The following PDE1C variants were observed in gnomAD, a reference collection of about 807,000 sequenced individuals.
PDE1C encodes dual specificity calcium/calmodulin-dependent 3',5'-cyclic nucleotide phosphodiesterase 1C.
In PDE1C, 62 loss-of-function variants were observed where a neutral mutation model predicts 93.1. That is an observed-to-expected ratio of 0.67 (90% CI 0.54 to 0.82). PDE1C has a LOEUF of 0.82. PDE1C is among the 40% of genes least tolerant of loss of function. The pLI, the probability that PDE1C is intolerant of heterozygous loss-of-function variation, is 0.00. For missense variants in PDE1C, 742 were observed against 884.6 expected (o/e 0.84, Z 2.04); for synonymous variants, 325 against 310.1 (o/e 1.05, Z -0.50).
chr7:31,758,564 G>A (rs1794622547), intron 17 of PDE1C, among the ~76,000 whole-genome samples: 1 of 152,154 alleles, frequency 6.6e-6, no homozygotes, highest in South Asian at 2.1e-4. Context: ...TATAAATTAT[G>A]CTATGGCTAC....
chr7:31,952,630 C>CA (rs1327899220), intron 2 of PDE1C, among the ~76,000 whole-genome samples: 1 of 152,076 alleles, frequency 6.6e-6, no homozygotes, highest in Non-Finnish European at 1.5e-5. Context: ...GAATTGTGCA[C>CA]ACTAGGTATT....
upstream of PDE1C, chr7:32,070,527 C>A (rs962053781): frequency 2.0e-6 from 3 of 1,493,616 alleles, no homozygotes; most frequent in African/African-American, 2.8e-5. Context: ...CGCGCTCCCC[C>A]TTCTGCGCCC....
chr7:32,338,421 T>C (rs898297410), intron 1 of PDE1C, among the ~76,000 whole-genome samples: 2 of 152,124 alleles, frequency 1.3e-5, no homozygotes, highest in East Asian at 3.9e-4. Flanking sequence ...CCCAATAAGA[T>C]ATCACTACAC....
At chr7:32,347,205 G>A (rs933136921) in intron 1 of PDE1C, among the ~76,000 whole-genome samples, 1 of 152,112 alleles carries the variant, frequency 6.6e-6, no homozygotes, top group African/African-American at 2.4e-5. Context: ...TACACCCAAG[G>A]GAACACGATT....
intron 2 of PDE1C, among the ~76,000 whole-genome samples, chr7:32,194,176 A>C (rs1804445085): frequency 6.6e-6 from 1 of 152,086 alleles, no homozygotes; most frequent in South Asian, 2.1e-4. Context: ...GGCCTCCCAA[A>C]GTGCTGGGAT....
chr7:31,830,200 G>GAA lies in PDE1C; in HGVS notation c.1204-1829_1204-1828dup, dbSNP rs375255914. Among the ~76,000 whole-genome samples, 303 of 141,840 alleles carry GAA rather than the reference G, an allele frequency of 2.1e-3. 2 individuals are homozygous for GAA. Among genetic ancestry groups the GAA allele is most frequent in the African/African-American group, 7.3e-3 (284 of 38,794 alleles). The allele number at this position is 141,840 out of a possible 152,430, so 93.1% of individuals were successfully genotyped here. A position where few individuals can be genotyped will look rare whatever the true frequency, so the allele number is the denominator to read the frequency against. On this transcript the variant is annotated intron_variant, in intron 11 of 17. Coordinates refer to ENST00000396191, the MANE Select transcript of PDE1C (RefSeq NM_001191057.4). ...TGGAAAGCAGATATACTTACGAATTGAAAAAAAAAAACAGTGCTGATAATG... is the reference window on the plus strand; with the variant it reads ...TGGAAAGCAGATATACTTACGAATTGAAAAAAAAAAAAACAGTGCTGATAATG...
chr7:31,692,691 T>C, the PDE1C span, among the ~76,000 whole-genome samples: 4 of 152,178 alleles, frequency 2.6e-5, no homozygotes, highest in Non-Finnish European at 5.9e-5. Context: ...CATGGGTCTG[T>C]GGGGTCTGCC....
chr7:32,003,301 C>T (rs1431171969), intron 2 of PDE1C, among the ~76,000 whole-genome samples: 1 of 152,204 alleles, frequency 6.6e-6, no homozygotes, highest in Non-Finnish European at 1.5e-5. Context: ...TTTCCAGGAA[C>T]TATGATAGAA....
chr7:32,413,173 G>A (rs111413316), intron 1 of PDE1C, among the ~76,000 whole-genome samples: 2,921 of 152,196 alleles, frequency 0.019, 46 homozygotes, highest in Middle Eastern at 0.048. Flanking sequence ...GTGGGCTTAC[G>A]TAGGGGGGAA....
At chr7:31,692,340 T>C in the PDE1C span, 1 of 949,168 alleles carries the variant, frequency 1.1e-6, no homozygotes, top group Non-Finnish European at 1.6e-6. Context: ...TATATTTACT[T>C]AGCAAATGAT....
chr7:31,721,711 C>T, the PDE1C span, among the ~76,000 whole-genome samples: 2 of 152,318 alleles, frequency 1.3e-5, no homozygotes, highest in Non-Finnish European at 2.9e-5. Flanking sequence ...TACTTGGACA[C>T]GCTGTCATCA....
At chr7:31,786,911 ATCTATCTATCTATCTATCTATC>A (rs1784023468) in intron 16 of PDE1C, 2 of 28,672 alleles carry the variant, frequency 7.0e-5, no homozygotes, top group Non-Finnish European at 1.7e-4. Context: ...CTATCTATCT[ATCTATCTATCTATCTATCTATC>A]TATCTATCTA....
At chr7:32,244,855 T>G (rs75257084) in intron 1 of PDE1C, among the ~76,000 whole-genome samples, 9,241 of 152,298 alleles carry the variant, frequency 0.061, 433 homozygotes, top group Non-Finnish European at 0.084. Context: ...GAGGGTGTCA[T>G]GAGCCACCAG....
chr7:31,724,299 A>G, the PDE1C span, among the ~76,000 whole-genome samples: 1 of 152,188 alleles, frequency 6.6e-6, no homozygotes, highest in Non-Finnish European at 1.5e-5. Flanking sequence ...CTGAAATTTT[A>G]GTGTCTTCCT....
chr7:32,111,494 G>T (rs184103652), intron 3 of PDE1C, among the ~76,000 whole-genome samples: 25 of 152,276 alleles, frequency 1.6e-4, no homozygotes, highest in Non-Finnish European at 1.3e-4. Context: ...GGCAGGCAAG[G>T]ATAGCTTGAT....
At chr7:32,409,935 TA>T (rs939657962) in intron 1 of PDE1C, among the ~76,000 whole-genome samples, 3 of 151,884 alleles carry the variant, frequency 2.0e-5, no homozygotes, top group Non-Finnish European at 2.9e-5. Flanking sequence ...AAGTCAGAAA[TA>T]AGAAGGCTCA....
chr7:31,718,867 G>A, the PDE1C span, among the ~76,000 whole-genome samples: 2 of 152,122 alleles, frequency 1.3e-5, no homozygotes, highest in East Asian at 3.9e-4. Flanking sequence ...GATCACCTCG[G>A]GGGGAAGTGT....
chr7:32,298,934 A>C (rs957786149), exon 1 of PDE1C: 1 of 1,335,718 alleles, frequency 7.5e-7, no homozygotes, highest in African/African-American at 1.6e-5. Context: ...CTAAAGCGCT[A>C]GGAGCTCGGC....
intron 12 of PDE1C, 58 bp downstream of exon 12, chr7:31,828,234 C>T (rs367773223): frequency 1.7e-5 from 24 of 1,396,710 alleles, no homozygotes; most frequent in African/African-American, 4.2e-5. Flanking sequence ...ATCATCTGTG[C>T]TTACTTCTAC....
Sources: allele counts gnomAD v4.1 joint callset (sites outside exome capture counted in the v4.1 genomes callset), GRCh38; gene constraint gnomAD v4.1.1; transcripts MANE v1.5; gene names NCBI Gene and HGNC (gene_info 2026-07-23, HGNC 2026-07-21).